ARMC9: variants seen among roughly 807,000 people sequenced by gnomAD.
ARMC9 encodes the protein lisH domain-containing protein ARMC9.
A neutral mutation model predicts 107.0 loss-of-function variants in ARMC9; 94 were observed. That is an observed-to-expected ratio of 0.88 (90% CI 0.74 to 1.04). ARMC9 has a LOEUF of 1.04. Ranked by LOEUF, ARMC9 falls within the 50% of genes least tolerant of loss-of-function variation. The pLI, the probability that ARMC9 is intolerant of heterozygous loss-of-function variation, is 0.00. For missense variants in ARMC9, 942 were observed against 1,030.1 expected, an observed-to-expected ratio of 0.91 and a Z score of 1.17; for synonymous variants, 380 against 396.9, an observed-to-expected ratio of 0.96 and a Z score of 0.51.
chr2:231,369,710 C>G (rs1185361344), intron 23 of ARMC9, among the ~76,000 whole-genome samples: 3 of 152,012 alleles, frequency 2.0e-5, no homozygotes, highest in Non-Finnish European at 4.4e-5. Context: ...TCTCCTGCCT[C>G]AGCCTCCTGA....
intron 19 of ARMC9, among the ~76,000 whole-genome samples, chr2:231,324,510 G>A (rs1461356952): frequency 1.3e-4 from 20 of 149,850 alleles, no homozygotes; most frequent in Admixed American, 6.0e-4. Context: ...CCAGCACTTC[G>A]GGAGGCCAAG....
chr2:231,205,861 C>G (rs557441920), intron 1 of ARMC9, among the ~76,000 whole-genome samples: 1 of 152,312 alleles, frequency 6.6e-6, no homozygotes, highest in African/African-American at 2.4e-5. Flanking sequence ...CACTTTATCC[C>G]CTTTAAAGCC....
intron 11 of ARMC9, among the ~76,000 whole-genome samples, chr2:231,261,268 C>T (rs1023839263): frequency 5.9e-5 from 9 of 152,240 alleles, no homozygotes; most frequent in African/African-American, 9.6e-5. Flanking sequence ...GATGTGCACA[C>T]GCACATACCC....
chr2:231,205,261 T>C (rs2031792313), intron 1 of ARMC9, among the ~76,000 whole-genome samples: 1 of 151,396 alleles, frequency 6.6e-6, no homozygotes, highest in South Asian at 2.1e-4. Context: ...TTCTAGCCAC[T>C]GGGGAGGCTG....
In ARMC9 at chr2:231,355,921, C is replaced by T. The variant is rs2045327588; in HGVS notation, c.2118C>T (p.Cys706=). ...GCAAGCCCAGCACCCCGGAGTCCTG[C>T]GTCTCCTCTTCATGTAAGAATGTGG... The part of the protein sequence containing the change: ...REGKPSTPES[C]VSSSSAIIAK... The change falls in exon 22 of 25, where the codon TGC becomes TGT. Residue 706 remains cysteine, a synonymous_variant. Coordinates refer to ENST00000611582, the MANE Select transcript of ARMC9 (RefSeq NM_001352754.2). 3.9e-6 allele frequency: 6 copies of T among 1,535,384 alleles called. No individual in the cohort carries two copies. Among genetic ancestry groups the T allele is most frequent in the South Asian group, 1.2e-5 (1 of 84,028 alleles).
chr2:231,355,722 A>G (rs2045314005), intron 21 of ARMC9, 76 bp from the exon 22 acceptor site: 2 of 1,438,842 alleles, frequency 1.4e-6, no homozygotes, highest in East Asian at 2.5e-5. Context: ...TGTATTTGTG[A>G]TGCTGCAGTC....
intron 17 of ARMC9, 65 bp downstream of exon 17, chr2:231,282,198 C>G (rs147318775): frequency 6.6e-7 from 1 of 1,518,342 alleles, no homozygotes; most frequent in East Asian, 2.3e-5. Flanking sequence ...GCTTTTAGAG[C>G]AAGACCTCCT....
intron 10 of ARMC9, 142 bp from the exon 11 acceptor site, chr2:231,258,849 G>C (rs552051984): frequency 2.8e-6 from 2 of 705,712 alleles, no homozygotes; most frequent in Non-Finnish European, 4.9e-6. Context: ...AACCCAGCCC[G>C]CCCTCCAAGT....
At chr2:231,349,842 T>C (rs139376610) in intron 21 of ARMC9, among the ~76,000 whole-genome samples, 12,167 of 152,042 alleles carry the variant, frequency 0.08, 1,439 homozygotes, top group African/African-American at 0.26. Context: ...TAGTCAATAA[T>C]AATTTAATTG....
intron 23 of ARMC9, among the ~76,000 whole-genome samples, chr2:231,369,529 G>A (rs2045935153): frequency 1.3e-5 from 2 of 151,818 alleles, no homozygotes; most frequent in South Asian, 4.2e-4. Context: ...CCTGACCTCA[G>A]GTGATCCGCC....
intron 19 of ARMC9, among the ~76,000 whole-genome samples, chr2:231,307,122 T>C (rs1189763655): frequency 6.6e-6 from 1 of 152,078 alleles, no homozygotes; most frequent in Non-Finnish European, 1.5e-5. Flanking sequence ...ACAGCTCTGC[T>C]CCATGGAAAA....
chr2:231,307,827 T>C (rs1365572649), intron 19 of ARMC9, among the ~76,000 whole-genome samples: 3 of 152,244 alleles, frequency 2.0e-5, no homozygotes, highest in Non-Finnish European at 2.9e-5. Context: ...AACTGAAGTC[T>C]TTCAAAAGGA....
intron 17 of ARMC9, among the ~76,000 whole-genome samples, chr2:231,285,603 G>A (rs1312630387): frequency 6.6e-6 from 1 of 151,578 alleles, no homozygotes; most frequent in East Asian, 1.9e-4. Context: ...CTGAGATCAT[G>A]CCACTGGACT....
At position 231,360,978 on chromosome 2, in the gene ARMC9, G is replaced by T. The variant is rs2045551944; in HGVS notation, c.2261+95G>T. 7.0e-7 allele frequency: 1 copy of T among 1,430,256 alleles called. No individual in the cohort carries two copies. Among genetic ancestry groups the T allele is most frequent in the Admixed American group, 2.8e-5 (1 of 35,448 alleles). The allele number at this position is 1,430,256 out of a possible 1,614,324, so 88.6% of individuals were successfully genotyped here. A position where few individuals can be genotyped will look rare whatever the true frequency, so the allele number is the denominator to read the frequency against. ...GCAGAGCACCCAGGAGACCTGGAAG[G>T]CTCCTCTGAGGCCCAGCCTCTGACA... On this transcript the variant is annotated intron_variant, in intron 23 of 24. Coordinates refer to ENST00000611582, the MANE Select transcript of ARMC9 (RefSeq NM_001352754.2). The surrounding 1 kb of genome is among the most constrained non-coding windows in gnomAD (Gnocchi z 4.7).
intron 12 of ARMC9, among the ~76,000 whole-genome samples, chr2:231,268,920 A>G (rs1396705453): frequency 6.6e-6 from 1 of 152,124 alleles, no homozygotes. Flanking sequence ...CTTTTAAATT[A>G]ACCAGGCATG....
In ARMC9 at chr2:231,376,479, C is replaced by G. The variant is rs201127600; in HGVS notation, c.*4944C>G. Among the ~76,000 whole-genome samples, 9 of 152,114 alleles carry G rather than the reference C, an allele frequency of 5.9e-5. No individual in the cohort carries two copies. The East Asian group carries it at 1.3e-3, about 23-fold the overall frequency. The stretch of plus-strand genomic sequence containing the variant: ...CGAGGCTGCAGAGATGAAATAAACT[C>G]CAGTCTCCCATAGCGCTCCCAGGCT... On this transcript the variant is annotated 3_prime_UTR_variant, in exon 25 of 25. Transcript: ENST00000611582.
chr2:231,299,069 G>C (rs2041559991), intron 19 of ARMC9, among the ~76,000 whole-genome samples: 1 of 152,116 alleles, frequency 6.6e-6, no homozygotes, highest in South Asian at 2.1e-4. Context: ...AAACTCTCAA[G>C]AGAACCCCTG....
At chr2:231,314,123 A>G (rs2042527234) in intron 19 of ARMC9, among the ~76,000 whole-genome samples, 1 of 146,620 alleles carries the variant, frequency 6.8e-6, no homozygotes, top group South Asian at 2.1e-4. Context: ...CTTATTGACC[A>G]GGCTGGAGTG....
chr2:231,332,019 A>C, intron 20 of ARMC9, 122 bp downstream of exon 20: 1 of 812,662 alleles, frequency 1.2e-6, no homozygotes, highest in Non-Finnish European at 2.0e-6. Flanking sequence ...TATTTATGAG[A>C]AGGTCCATGT....
Sources: gnomAD v4.1 joint callset for allele counts (sites outside exome capture counted in the v4.1 genomes callset) on GRCh38, gnomAD v4.1.1 for gene constraint, Gnocchi (gnomAD v3.1) non-coding constraint, MANE v1.5 for transcripts, NCBI Gene and HGNC (gene_info 2026-07-23, HGNC 2026-07-21) for gene names.